The following DEAF1 variants were observed in gnomAD, a reference collection of about 807,000 sequenced individuals.
The protein encoded by DEAF1 is DEAF1 transcription factor, also known as deformed epidermal autoregulatory factor 1 homolog.
DEAF1 carries 53 observed loss-of-function variants against 58.9 expected under a neutral mutation model. The observed-to-expected ratio is 0.90, with a 90% CI of 0.72 to 1.13. The LOEUF (loss-of-function observed/expected upper bound fraction) is 1.13, where lower values mean the gene tolerates loss of function less well. Among genes scored for constraint, DEAF1 ranks in the 50% most tolerant of loss-of-function variants. The pLI is 0.00. For synonymous variants in DEAF1, 385 were observed against 340.4 expected, an observed-to-expected ratio of 1.13 and a Z score of -1.44; for missense variants, 685 against 791.4, an observed-to-expected ratio of 0.87 and a Z score of 1.61.
upstream of DEAF1, chr11:698,909 C>G (rs1265183704): frequency 6.2e-7 from 1 of 1,614,034 alleles, no homozygotes; most frequent in African/African-American, 1.3e-5. Context: ...GCGTGCCCCT[C>G]CAGGACAGCA....
chr11:670,177 T>C (rs1183034272), intron 10 of DEAF1, among the ~76,000 whole-genome samples: 2 of 151,896 alleles, frequency 1.3e-5, no homozygotes, highest in African/African-American at 4.8e-5. Flanking sequence ...AATGGTCTCA[T>C]GACCAGGTTC....
chr11:689,274 C>T (rs560045194), intron 2 of DEAF1, among the ~76,000 whole-genome samples: 2 of 143,634 alleles, frequency 1.4e-5, no homozygotes, highest in African/African-American at 2.6e-5. Flanking sequence ...GGCGCCATCT[C>T]GGCTCACTGC....
intron 9 of DEAF1, 77 bp downstream of exon 9, chr11:678,617 T>G: frequency 1.2e-6 from 2 of 1,604,152 alleles, no homozygotes; most frequent in South Asian, 2.2e-5. Flanking sequence ...ATGAATCCCA[T>G]TTCACTTAGG....
chr11:678,905 A>G, intron 8 of DEAF1, 83 bp from the exon 9 acceptor site: 1 of 1,578,078 alleles, frequency 6.3e-7, no homozygotes, highest in Non-Finnish European at 8.6e-7. Flanking sequence ...TGGCTGCGCC[A>G]TTCAGTACAC....
Position 694,993 on chromosome 11 carries a change from C to G in DEAF1, c.55G>C (p.Val19Leu), listed in dbSNP as rs1467254219. 8.3e-7 allele frequency: 1 copy of G among 1,200,730 alleles called. No homozygotes were observed. The highest frequency in any genetic ancestry group is 1.0e-6 in the Non-Finnish European group (1 of 967,820). The allele number at this position is 1,200,730 out of a possible 1,614,324, so 74.4% of individuals were successfully genotyped here. Residue 19 changes from valine (V) to leucine (L), a missense_variant, in exon 1 of 12, where the codon GTG (valine) becomes CTG (leucine). By Grantham distance (32) the Val-to-Leu change is conservative. Around this residue, in one of 3 missense-constraint regions of DEAF1, gnomAD observed 210 missense variants for 177.3 expected, o/e 1.18. Transcript: ENST00000382409. ...GCCGCCACAGCGGCCGCGGCCGCCA[C>G]CGCCGCCGCCTCAGCCAGGCCCAGC... ...KQLGLAEAAAVAAAAAVAAAA... is the reference protein window; with the variant it reads ...KQLGLAEAAALAAAAAVAAAA...
At chr11:695,629 T>C (rs1009512231), upstream of DEAF1, 8 of 1,244,852 alleles carry the variant, frequency 6.4e-6, no homozygotes, top group Admixed American at 4.2e-5. Flanking sequence ...ACGTCGGTTC[T>C]CCACCTCTTC....
chr11:700,777 A>G (rs772911136), intron 1 of DEAF1: 4 of 1,397,028 alleles, frequency 2.9e-6, no homozygotes, highest in Middle Eastern at 1.8e-4. Flanking sequence ...GCCTTTCAAG[A>G]GTAATTATTT....
At chr11:679,229 G>T (rs892588527) in intron 8 of DEAF1, among the ~76,000 whole-genome samples, 1 of 151,820 alleles carries the variant, frequency 6.6e-6, no homozygotes, top group African/African-American at 2.4e-5. Context: ...GCAGGAGAAC[G>T]GTGTGAACCC....
chr11:670,701 C>G (rs530380364), intron 10 of DEAF1, among the ~76,000 whole-genome samples: 44 of 151,252 alleles, frequency 2.9e-4, no homozygotes, highest in Admixed American at 2.9e-3. Context: ...GGTGACACAG[C>G]AAGACCATCT....
Position 680,406 on chromosome 11 carries a change from C to T in DEAF1, c.997+557G>A, listed in dbSNP as rs1335313574. 2.6e-5 allele frequency among the ~76,000 whole-genome samples: 4 copies of T among 152,224 alleles called. No individual in the cohort carries two copies. In the East Asian group the frequency reaches 5.8e-4, roughly 22 times the overall value. On this transcript the variant is annotated intron_variant, in intron 7 of 11. Coordinates refer to ENST00000382409, the MANE Select transcript of DEAF1 (RefSeq NM_021008.4). Reference sequence around the variant, plus strand: ...CAAAAGCCTATTACAAAGACATTTTCTCCTATTGCTACCTCTCCCCATTTA... The same window carrying T: ...CAAAAGCCTATTACAAAGACATTTTTTCCTATTGCTACCTCTCCCCATTTA...
At chr11:695,767 G>T, upstream of DEAF1, 1 of 1,238,524 alleles carries the variant, frequency 8.1e-7, no homozygotes. Context: ...CCGAAGGAGC[G>T]CGAGCGCGCG....
rs546534063 is a variant in DEAF1, at chr11:671,955, G to A, written c.1503+2581C>T. On this transcript the variant is annotated intron_variant, in intron 10 of 11. Transcript: ENST00000382409. The stretch of plus-strand genomic sequence containing the variant: ...ACCATTAAGACATGCCTTTCCTCCC[G>A]CTTTGCCATCTGCCATGATGGTGAG... Among the ~76,000 whole-genome samples, 29 of 151,388 alleles carry A rather than the reference G, an allele frequency of 1.9e-4. No individual in the cohort carries two copies. The East Asian group carries it at 5.1e-3, about 26-fold the overall frequency.
intron 10 of DEAF1, among the ~76,000 whole-genome samples, chr11:670,329 G>C (rs368071978): frequency 2.6e-4 from 39 of 151,680 alleles, no homozygotes; most frequent in Non-Finnish European, 4.7e-4. Flanking sequence ...CAGGGTTATA[G>C]ATTTTTTTGC....
At chr11:691,688 T>A (rs1344053740) in intron 1 of DEAF1, 90 bp from the exon 2 acceptor site, 1 of 1,103,146 alleles carries the variant, frequency 9.1e-7, no homozygotes, top group Non-Finnish European at 1.3e-6. Flanking sequence ...ACAAAGTGAC[T>A]CCCCCTCAGG....
upstream of DEAF1, among the ~76,000 whole-genome samples, chr11:698,417 G>A (rs983041488): frequency 6.6e-6 from 1 of 152,202 alleles, no homozygotes; most frequent in African/African-American, 2.4e-5. Context: ...AATTTCAGAG[G>A]AAAGCAAATG....
At chr11:680,537 G>A (rs1013791358) in intron 7 of DEAF1, among the ~76,000 whole-genome samples, 1 of 152,194 alleles carries the variant, frequency 6.6e-6, no homozygotes, top group African/African-American at 2.4e-5. Flanking sequence ...CTGAGCCTGG[G>A]AGGCCGAGGC....
At chr11:704,497 G>T in intron 1 of DEAF1, 1 of 1,289,250 alleles carries the variant, frequency 7.8e-7, no homozygotes, top group South Asian at 1.2e-5. Context: ...ACCAGCGCCT[G>T]AGCGCCTCGG....
At chr11:650,107 G>A (rs1449732431) in intron 11 of DEAF1, among the ~76,000 whole-genome samples, 1 of 151,644 alleles carries the variant, frequency 6.6e-6, no homozygotes, top group Non-Finnish European at 1.5e-5. Context: ...TAGTGTGGTG[G>A]TTCACACCTG....
chr11:669,874 G>A (rs1157875950), intron 10 of DEAF1, among the ~76,000 whole-genome samples: 1 of 142,472 alleles, frequency 7.0e-6, no homozygotes, highest in African/African-American at 2.6e-5. Flanking sequence ...AGGCTACAGT[G>A]AGCCGAGATT....
Sources: allele counts gnomAD v4.1 joint callset (sites outside exome capture counted in the v4.1 genomes callset), GRCh38; gene constraint gnomAD v4.1.1; regional missense constraint gnomAD v4.1.1; transcripts MANE v1.5; gene names NCBI Gene and HGNC (gene_info 2026-07-23, HGNC 2026-07-21).